Variants in SOX5 observed in about 807,000 individuals in gnomAD.
SOX5 encodes the protein transcription factor SOX-5.
A neutral mutation model predicts 92.0 loss-of-function variants in SOX5; 9 were observed. The observed-to-expected ratio is 0.10, with a 90% CI of 0.06 to 0.17. The LOEUF (loss-of-function observed/expected upper bound fraction) is 0.17. Ranked by LOEUF, SOX5 falls within the 10% of genes least tolerant of loss-of-function variation. SOX5 has a pLI of 1.00. For missense variants in SOX5, 642 were observed against 944.5 expected (o/e 0.68, Z 4.20); for synonymous variants, 344 against 336.3 (o/e 1.02, Z -0.25).
chr12:24,329,064 A>C (rs1159668754), intron 2 of SOX5, among the ~76,000 whole-genome samples: 1 of 152,230 alleles, frequency 6.6e-6, no homozygotes, highest in Non-Finnish European at 1.5e-5. Flanking sequence ...ATAAAACTGG[A>C]TATTCCCATG....
chr12:24,490,001 C>CAGAAGGCAAAATCAGCGT (rs1245786427), intron 1 of SOX5, among the ~76,000 whole-genome samples: 9 of 152,312 alleles, frequency 5.9e-5, no homozygotes, highest in African/African-American at 2.2e-4. Flanking sequence ...CCCACAGATA[C>CAGAAGGCAAAATCAGCGT]AGAAGGCAAA....
intron 4 of SOX5, among the ~76,000 whole-genome samples, chr12:24,004,396 C>T (rs1011271175): frequency 6.6e-6 from 1 of 151,332 alleles, no homozygotes; most frequent in African/African-American, 2.4e-5. Flanking sequence ...ACTTGAATCC[C>T]AGATGAAGAA....
rs1401827081 is a variant in SOX5 at position 23,640,907 on chromosome 12, A to G, written c.932-10T>C. 3 of 1,583,596 alleles carry G rather than the reference A, an allele frequency of 1.9e-6. No individual in the cohort carries two copies. In the South Asian group the frequency reaches 3.4e-5, roughly 18 times the overall value. Reference sequence around the variant, plus strand: ...ACAGGGTAAGGGTCACCTAAGTAAGAGAATAATAGAGGCGTCAGCACCTTT... The same window carrying G: ...ACAGGGTAAGGGTCACCTAAGTAAGGGAATAATAGAGGCGTCAGCACCTTT... On this transcript the variant is annotated splice_polypyrimidine_tract_variant and intron_variant, in intron 7 of 14. Coordinates refer to ENST00000451604, the MANE Select transcript of SOX5 (RefSeq NM_006940.6).
chr12:24,391,761 G>T (rs1959020151), intron 1 of SOX5, among the ~76,000 whole-genome samples: 1 of 152,070 alleles, frequency 6.6e-6, no homozygotes, highest in Non-Finnish European at 1.5e-5. Flanking sequence ...CTTTCTAAGT[G>T]GTCAGAAATG....
intron 3 of SOX5, among the ~76,000 whole-genome samples, chr12:23,807,649 T>TTC (rs1254507257): frequency 6.6e-6 from 1 of 151,476 alleles, no homozygotes; most frequent in Non-Finnish European, 1.5e-5. Flanking sequence ...TCCATTTTTT[T>TTC]TTTTTTTTTG....
chr12:23,555,795 A>ATCTT (rs1340946566), intron 11 of SOX5, among the ~76,000 whole-genome samples: 2 of 152,214 alleles, frequency 1.3e-5, no homozygotes, highest in Admixed American at 6.5e-5. Context: ...AACAGCTCTG[A>ATCTT]TCTTTGCAGT....
At chr12:23,839,711 G>A (rs921583333) in intron 3 of SOX5, among the ~76,000 whole-genome samples, 1 of 151,090 alleles carries the variant, frequency 6.6e-6, no homozygotes, top group South Asian at 2.1e-4. Context: ...ACGGTCTAAT[G>A]AAAAATAAGC....
chr12:23,840,642 C>T (rs980967002), intron 3 of SOX5, among the ~76,000 whole-genome samples: 1 of 152,020 alleles, frequency 6.6e-6, no homozygotes, highest in Non-Finnish European at 1.5e-5. Flanking sequence ...ACCAACTGAT[C>T]AATGGAACAA....
At chr12:24,185,560 A>G (rs1300743703) in intron 4 of SOX5, among the ~76,000 whole-genome samples, 1 of 152,136 alleles carries the variant, frequency 6.6e-6, no homozygotes, top group Non-Finnish European at 1.5e-5. Flanking sequence ...CTAGGAGGCA[A>G]TAAATCATCT....
chr12:24,485,150 A>G (rs1485486265), intron 1 of SOX5, among the ~76,000 whole-genome samples: 1 of 152,212 alleles, frequency 6.6e-6, no homozygotes, highest in African/African-American at 2.4e-5. Flanking sequence ...TATTCAACAG[A>G]ACACTAAGAA....
chr12:23,997,407 G>C (rs1042372396), intron 4 of SOX5, among the ~76,000 whole-genome samples: 1 of 152,174 alleles, frequency 6.6e-6, no homozygotes, highest in African/African-American at 2.4e-5. Flanking sequence ...CAATATCACA[G>C]CTTGCCTGAG....
chr12:23,784,605 C>T lies in SOX5; in HGVS notation c.482-28881G>A, dbSNP rs527409139. 6.7e-4 allele frequency among the ~76,000 whole-genome samples: 102 copies of T among 152,246 alleles called. 2 individuals are homozygous for T. Among genetic ancestry groups the T allele is most frequent in the Middle Eastern group, 3.4e-3 (1 of 294 alleles). ...CCTCCCAAAGTGCTGGGATTAGAGG[C>T]GTGAGCCAACATGCCTGGCCGATAT... On this transcript the variant is annotated intron_variant, in intron 3 of 14. Coordinates refer to ENST00000451604, the MANE Select transcript of SOX5 (RefSeq NM_006940.6).
chr12:24,302,494 A>C (rs1368362226), intron 2 of SOX5, among the ~76,000 whole-genome samples: 1 of 152,188 alleles, frequency 6.6e-6, no homozygotes, highest in East Asian at 1.9e-4. Flanking sequence ...GCTTCTTGCC[A>C]TACAAAACAT....
At position 24,355,282 on chromosome 12, in the gene SOX5, C is replaced by T. The variant is rs867893069; in HGVS notation, c.-174+13281G>A. ...TTAGCAGGTGTGGTGAGGGGTGCAT[C>T]TTTTTTTTTTTTTTTTTTTTTTTTT... On this transcript the variant is annotated intron_variant, in intron 2 of 4. Transcript: ENST00000446891. Among the ~76,000 whole-genome samples, 435 of 71,886 alleles carry T rather than the reference C, an allele frequency of 6.1e-3. 3 individuals carry two copies. The highest frequency in any genetic ancestry group is 0.028 in the African/African-American group (380 of 13,580). The allele number at this position is 71,886 out of a possible 152,430, so 47.2% of individuals were successfully genotyped here.
intron 1 of SOX5, among the ~76,000 whole-genome samples, chr12:24,424,321 C>T (rs1436547265): frequency 2.0e-5 from 3 of 152,158 alleles, no homozygotes; most frequent in South Asian, 4.1e-4. Context: ...CTCATTATTG[C>T]TATTTCCACA....
intron 1 of SOX5, among the ~76,000 whole-genome samples, chr12:24,546,696 G>A (rs868028014): frequency 3.9e-5 from 6 of 152,206 alleles, no homozygotes; most frequent in African/African-American, 1.2e-4. Context: ...AATAATAAGT[G>A]GGTGCTCTGT....
intron 1 of SOX5, among the ~76,000 whole-genome samples, chr12:24,515,482 T>A (rs185404037): frequency 2.2e-4 from 33 of 151,754 alleles, no homozygotes; most frequent in Admixed American, 7.2e-4. Context: ...GATGGCTGAA[T>A]AAGGAATCAG....
chr12:24,053,470 A>T (rs1381040307), intron 4 of SOX5, among the ~76,000 whole-genome samples: 1 of 152,160 alleles, frequency 6.6e-6, no homozygotes, highest in Non-Finnish European at 1.5e-5. Flanking sequence ...TCTCTTAAAG[A>T]AAATGTAAAA....
At chr12:23,960,275 C>T (rs1315482930) in intron 4 of SOX5, among the ~76,000 whole-genome samples, 2 of 151,954 alleles carry the variant, frequency 1.3e-5, no homozygotes, top group African/African-American at 2.4e-5. Context: ...AGCTTACACA[C>T]ACACTGTGTT....
Sources: allele counts gnomAD v4.1 joint callset (sites outside exome capture counted in the v4.1 genomes callset), GRCh38; gene constraint gnomAD v4.1.1; transcripts MANE v1.5; gene names NCBI Gene and HGNC (gene_info 2026-07-23, HGNC 2026-07-21).